Variants in TBC1D22A observed in about 807,000 individuals in gnomAD.
TBC1D22A encodes the protein putative GTPase activator.
In TBC1D22A, 38 loss-of-function variants were observed where a neutral mutation model predicts 60.2. The ratio of observed to expected loss-of-function variants is 0.63; its 90% CI spans 0.49 to 0.83. The LOEUF is 0.83. Among genes scored for constraint, TBC1D22A ranks in the 40% least tolerant of loss-of-function variants. The pLI is 0.00. For missense variants in TBC1D22A, 628 were observed against 701.0 expected, an observed-to-expected ratio of 0.90 and a Z score of 1.18; for synonymous variants, 302 against 281.7, an observed-to-expected ratio of 1.07 and a Z score of -0.72.
intron 9 of TBC1D22A, among the ~76,000 whole-genome samples, chr22:46,982,331 C>G (rs995501433): frequency 6.6e-6 from 1 of 150,924 alleles, no homozygotes; most frequent in Non-Finnish European, 1.5e-5. Flanking sequence ...TCAAGCAATT[C>G]TCCTGCCTCA....
intron 4 of TBC1D22A, among the ~76,000 whole-genome samples, chr22:46,818,131 G>T (rs1009736499): frequency 6.6e-6 from 1 of 152,142 alleles, no homozygotes; most frequent in Non-Finnish European, 1.5e-5. Context: ...TAAGTTCCTT[G>T]TAGATTCTGG....
intron 4 of TBC1D22A, among the ~76,000 whole-genome samples, chr22:46,838,442 C>T (rs2086611552): frequency 6.6e-6 from 1 of 152,164 alleles, no homozygotes; most frequent in Admixed American, 6.5e-5. Context: ...AGGAAAAGCT[C>T]AGGACCAGAT....
At chr22:46,843,388 T>A (rs2086858375) in intron 4 of TBC1D22A, among the ~76,000 whole-genome samples, 1 of 152,120 alleles carries the variant, frequency 6.6e-6, no homozygotes, top group Non-Finnish European at 1.5e-5. Flanking sequence ...CGGCCGGTGC[T>A]GCAGCAGCTC....
chr22:47,039,704 GAAAAAA>G (rs34793078), intron 11 of TBC1D22A, among the ~76,000 whole-genome samples: 39 of 81,440 alleles, frequency 4.8e-4, no homozygotes, highest in Middle Eastern at 0.02. Flanking sequence ...TGCATTTCAG[GAAAAAA>G]AAAAAAAAAA....
At chr22:47,110,941 G>T (rs2065822504) in intron 11 of TBC1D22A, among the ~76,000 whole-genome samples, 1 of 152,240 alleles carries the variant, frequency 6.6e-6, no homozygotes, top group Admixed American at 6.5e-5. Context: ...TTTGATGACA[G>T]TGAGGAGAGA....
At chr22:46,827,341 C>T (rs777456588) in intron 4 of TBC1D22A, among the ~76,000 whole-genome samples, 28 of 152,298 alleles carry the variant, frequency 1.8e-4, no homozygotes, top group Non-Finnish European at 2.8e-4. Flanking sequence ...TGCATCACCT[C>T]GGGAGAAAAC....
At chr22:47,046,948 A>G (rs1967567531) in intron 11 of TBC1D22A, among the ~76,000 whole-genome samples, 1 of 152,218 alleles carries the variant, frequency 6.6e-6, no homozygotes, top group Non-Finnish European at 1.5e-5. Flanking sequence ...CAGGCCACAA[A>G]GAGTGTACTT....
intron 11 of TBC1D22A, among the ~76,000 whole-genome samples, chr22:47,055,016 G>C (rs751656261): frequency 2.0e-5 from 3 of 152,212 alleles, no homozygotes; most frequent in Non-Finnish European, 4.4e-5. Context: ...AGTGGGCGGG[G>C]ACCTGGCCTC....
chr22:46,966,876 G>C (rs1046783240), intron 8 of TBC1D22A, among the ~76,000 whole-genome samples: 1 of 152,282 alleles, frequency 6.6e-6, no homozygotes, highest in African/African-American at 2.4e-5. Flanking sequence ...GTCTGCTTGC[G>C]GGTGGTGGGA....
intron 11 of TBC1D22A, among the ~76,000 whole-genome samples, chr22:47,054,921 C>G (rs1437050597): frequency 6.6e-6 from 1 of 152,170 alleles, no homozygotes; most frequent in Non-Finnish European, 1.5e-5. Flanking sequence ...GCACTCTCAC[C>G]CTTAAAGCAC....
chr22:46,848,764 C>T (rs1421765691), intron 4 of TBC1D22A, among the ~76,000 whole-genome samples: 2 of 152,166 alleles, frequency 1.3e-5, no homozygotes, highest in South Asian at 2.1e-4. Flanking sequence ...CATTATGACA[C>T]GTTGCTCTAA....
chr22:47,171,940 G>T (rs538635808), intron 12 of TBC1D22A, among the ~76,000 whole-genome samples: 2 of 118,858 alleles, frequency 1.7e-5, no homozygotes, highest in African/African-American at 2.5e-5. Context: ...CCAGCTGCAG[G>T]CCAGAGGAGC....
At chr22:47,021,489 C>A (rs1603034263) in intron 10 of TBC1D22A, among the ~76,000 whole-genome samples, 2 of 149,934 alleles carry the variant, frequency 1.3e-5, no homozygotes, top group Non-Finnish European at 3.0e-5. Context: ...AGCAGAACCT[C>A]ACCTGTCACC....
intron 7 of TBC1D22A, among the ~76,000 whole-genome samples, chr22:46,909,982 TCGGC>T (rs2069790559): frequency 6.6e-6 from 1 of 152,198 alleles, no homozygotes; most frequent in Non-Finnish European, 1.5e-5. Context: ...TACTTGCAGC[TCGGC>T]TAAATAGCAT....
intron 4 of TBC1D22A, among the ~76,000 whole-genome samples, chr22:46,820,716 G>A (rs2085790103): frequency 6.6e-6 from 1 of 152,232 alleles, no homozygotes; most frequent in African/African-American, 2.4e-5. Context: ...TTGATTTGGA[G>A]TTGAGAGTTC....
At chr22:46,811,984 G>A (rs1251349304) in intron 4 of TBC1D22A, among the ~76,000 whole-genome samples, 1 of 152,096 alleles carries the variant, frequency 6.6e-6, no homozygotes, top group African/African-American at 2.4e-5. Context: ...TTCCCTACCA[G>A]TAAAATCAAG....
At chr22:46,943,750 C>T (rs950210697) in intron 8 of TBC1D22A, among the ~76,000 whole-genome samples, 1 of 152,236 alleles carries the variant, frequency 6.6e-6, no homozygotes, top group Non-Finnish European at 1.5e-5. Context: ...ATCTGCTTTT[C>T]GTCTGCATGG....
chr22:47,038,926 C>G (rs977918398), intron 11 of TBC1D22A, among the ~76,000 whole-genome samples: 3 of 152,192 alleles, frequency 2.0e-5, no homozygotes, highest in Non-Finnish European at 4.4e-5. Context: ...GATCGGCTCT[C>G]TGTAACATGA....
At chr22:46,905,893 A>T (rs5767396) in intron 7 of TBC1D22A, among the ~76,000 whole-genome samples, 1 of 151,780 alleles carries the variant, frequency 6.6e-6, no homozygotes, top group Non-Finnish European at 1.5e-5. Flanking sequence ...GGTGTTGGGG[A>T]TTTTCCTCCT....
Sources: allele counts gnomAD v4.1 joint callset (sites outside exome capture counted in the v4.1 genomes callset), GRCh38; gene constraint gnomAD v4.1.1; transcripts MANE v1.5; gene names NCBI Gene and HGNC (gene_info 2026-07-23, HGNC 2026-07-21).